TENM1: variants seen among roughly 807,000 people sequenced by gnomAD.
TENM1 encodes teneurin-1.
In TENM1, 35 loss-of-function variants were observed where a neutral mutation model predicts 174.8. That is an observed-to-expected ratio of 0.20 (90% CI 0.15 to 0.27). The LOEUF is 0.27. Among genes scored for constraint, TENM1 ranks in the 10% least tolerant of loss-of-function variants. The pLI, the probability that TENM1 is intolerant of heterozygous loss-of-function variation, is 1.00. For synonymous variants in TENM1, 781 were observed against 798.7 expected, an observed-to-expected ratio of 0.98 and a Z score of 0.37; for missense variants, 1,633 against 2,130.1, an observed-to-expected ratio of 0.77 and a Z score of 4.59.
chrX:124,507,234 T>G (rs1296020508), intron 18 of TENM1, among the ~76,000 whole-genome samples: 1 of 111,274 alleles, frequency 9.0e-6, no homozygotes, highest in Non-Finnish European at 1.9e-5. Flanking sequence ...GCATAATGGG[T>G]TCGTGCTGGT....
At chrX:124,533,104 A>G (rs1161928401) in intron 15 of TENM1, among the ~76,000 whole-genome samples, 2 of 112,236 alleles carry the variant, frequency 1.8e-5, no homozygotes, top group African/African-American at 6.5e-5. Context: ...TTGCTTTCCC[A>G]GGCAGGCTAC....
At chrX:124,641,626 C>T (rs557217286) in intron 11 of TENM1, among the ~76,000 whole-genome samples, 165 bp downstream of exon 14, 3 of 111,910 alleles carry the variant, frequency 2.7e-5, no homozygotes, top group South Asian at 3.8e-4. Context: ...TAGGTAACAG[C>T]GTATTATAAA....
Position 124,710,423 on chromosome X carries a change from T to C in TENM1, c.777-5172A>G, listed in dbSNP as rs377366830. 2.8e-4 allele frequency among the ~76,000 whole-genome samples: 31 copies of C among 111,997 alleles called. No individual in the cohort carries two copies. In the East Asian group the frequency reaches 7.9e-3, roughly 28 times the overall value. Reference sequence around the variant, plus strand: ...GAGAATAATTGGATTTTTGAGACAATGTAAGTGTTCCAATATGTTGGATAT... The same window carrying C: ...GAGAATAATTGGATTTTTGAGACAACGTAAGTGTTCCAATATGTTGGATAT... On this transcript the variant is annotated intron_variant, in intron 4 of 31. Coordinates refer to ENST00000422452, the Ensembl canonical transcript of TENM1.
At chrX:124,841,460 A>G (rs1473292058) in intron 3 of TENM1, among the ~76,000 whole-genome samples, 1 of 111,014 alleles carries the variant, frequency 9.0e-6, no homozygotes. Flanking sequence ...ATTAGGAAAA[A>G]GTGGACAAAA....
chrX:124,570,523 T>A (rs2049033857), intron 11 of TENM1, among the ~76,000 whole-genome samples: 1 of 111,522 alleles, frequency 9.0e-6, no homozygotes, highest in Admixed American at 9.5e-5. Context: ...GTGCTTATTC[T>A]AGGAATATAT....
intron 18 of TENM1, among the ~76,000 whole-genome samples, chrX:124,517,656 C>A (rs1369449355): frequency 4.2e-5 from 3 of 70,749 alleles, no homozygotes; most frequent in African/African-American, 1.8e-4. Flanking sequence ...CACACCGGGG[C>A]CTGTTGTGGG....
the TENM1 span, among the ~76,000 whole-genome samples, chrX:125,125,175 G>T: frequency 1.8e-5 from 2 of 111,686 alleles, no homozygotes; most frequent in Admixed American, 1.9e-4. Flanking sequence ...TTCTGGGGGA[G>T]ATCAACAAAT....
chrX:124,875,750 C>G (rs1306941120), intron 3 of TENM1, among the ~76,000 whole-genome samples: 1 of 107,265 alleles, frequency 9.3e-6, no homozygotes, highest in Admixed American at 1.0e-4. Flanking sequence ...GTGGCATACA[C>G]CTTTAGCCTC....
the TENM1 span, among the ~76,000 whole-genome samples, chrX:125,126,739 T>C: frequency 7.2e-5 from 8 of 111,282 alleles, no homozygotes; most frequent in Non-Finnish European, 1.5e-4. Context: ...AAAACTTGTA[T>C]TTCTGGGAAT....
At chrX:125,112,501 T>G in the TENM1 span, among the ~76,000 whole-genome samples, 1 of 111,401 alleles carries the variant, frequency 9.0e-6, no homozygotes, top group Admixed American at 9.6e-5. Context: ...AAGGCTCATT[T>G]GGAGATTCTC....
At chrX:124,608,194 T>C (rs1276643317) in intron 11 of TENM1, among the ~76,000 whole-genome samples, 3 of 111,373 alleles carry the variant, frequency 2.7e-5, no homozygotes, top group Non-Finnish European at 5.7e-5. Context: ...CCAGAGAACA[T>C]TGTCTTTAGT....
At chrX:124,774,785 T>C (rs984464455) in intron 3 of TENM1, among the ~76,000 whole-genome samples, 1 of 111,107 alleles carries the variant, frequency 9.0e-6, no homozygotes, top group Non-Finnish European at 1.9e-5. Context: ...GTAACTTTGG[T>C]TCAAGGGGTC....
chrX:124,968,929 C>T, the TENM1 span, among the ~76,000 whole-genome samples: 1 of 111,463 alleles, frequency 9.0e-6, no homozygotes, highest in Non-Finnish European at 1.9e-5. Flanking sequence ...ATTTTAAATC[C>T]ACCAATGGTT....
At chrX:124,738,414 G>A (rs964822745) in intron 3 of TENM1, among the ~76,000 whole-genome samples, 1 of 111,429 alleles carries the variant, frequency 9.0e-6, no homozygotes, top group Admixed American at 9.5e-5. Flanking sequence ...TTTTAAAAAC[G>A]ATATTAGCCT....
chrX:125,199,770 T>A, the TENM1 span, among the ~76,000 whole-genome samples: 1,968 of 111,871 alleles, frequency 0.018, 57 homozygotes, highest in African/African-American at 0.06. Context: ...CCTGTAAAAA[T>A]ATTTACTTTT....
At chrX:124,874,777 C>A (rs2147491458) in intron 3 of TENM1, among the ~76,000 whole-genome samples, 1 of 110,988 alleles carries the variant, frequency 9.0e-6, no homozygotes, top group African/African-American at 3.3e-5. Flanking sequence ...ATTGTCTCAA[C>A]ACTTTTCATA....
chrX:124,884,870 T>C (rs1036730679), intron 3 of TENM1, among the ~76,000 whole-genome samples: 2 of 111,924 alleles, frequency 1.8e-5, no homozygotes, highest in African/African-American at 6.5e-5. Context: ...GATTTTGTCA[T>C]TGTGCAAACA....
the TENM1 span, among the ~76,000 whole-genome samples, chrX:125,026,251 T>C: frequency 9.3e-6 from 1 of 107,469 alleles, no homozygotes; most frequent in East Asian, 2.9e-4. Context: ...ACAAAAATGA[T>C]AAAATCATAA....
At chrX:124,810,494 G>A (rs2147264466) in intron 3 of TENM1, among the ~76,000 whole-genome samples, 1 of 111,172 alleles carries the variant, frequency 9.0e-6, no homozygotes, top group South Asian at 3.7e-4. Context: ...ATTTAACCAA[G>A]GAGGTGAAAG....
Sources: gnomAD v4.1 joint callset for allele counts (sites outside exome capture counted in the v4.1 genomes callset) on GRCh38, gnomAD v4.1.1 for gene constraint, MANE v1.5 for transcripts, NCBI Gene and HGNC (gene_info 2026-07-23, HGNC 2026-07-21) for gene names.